The following COL22A1 variants were observed in gnomAD, a reference collection of about 807,000 sequenced individuals.
The protein encoded by COL22A1 is collagen alpha-1(XXII) chain.
In COL22A1, 221 loss-of-function variants were observed where a neutral mutation model predicts 248.9. That is an observed-to-expected ratio of 0.89 (90% CI 0.80 to 0.99). The LOEUF (loss-of-function observed/expected upper bound fraction) is 0.99, where lower values mean the gene tolerates loss of function less well. COL22A1 is among the 50% of genes least tolerant of loss of function. COL22A1 has a pLI of 0.00. For synonymous variants in COL22A1, 891 were observed against 793.4 expected (o/e 1.12, Z -2.07); for missense variants, 2,240 against 2,179.0 (o/e 1.03, Z -0.56).
chr8:138,679,804 C>A, intron 39 of COL22A1, 128 bp from the exon 40 acceptor site: 1 of 835,014 alleles, frequency 1.2e-6, no homozygotes, highest in East Asian at 2.5e-5. Flanking sequence ...AGATTAGGGT[C>A]TGGCACAGGT....
chr8:138,871,301 GA>G (rs1434840512), intron 3 of COL22A1, among the ~76,000 whole-genome samples: 1 of 152,192 alleles, frequency 6.6e-6, no homozygotes, highest in African/African-American at 2.4e-5. Flanking sequence ...CGAGCTGTGT[GA>G]ACTGGGAAAG....
chr8:138,836,252 C>G (rs780815538), intron 4 of COL22A1, among the ~76,000 whole-genome samples: 2 of 151,538 alleles, frequency 1.3e-5, no homozygotes, highest in Non-Finnish European at 2.9e-5. Flanking sequence ...GCCTGGGCGA[C>G]AGAGAGAGAC....
At chr8:138,690,193 T>C (rs551492932) in intron 36 of COL22A1, among the ~76,000 whole-genome samples, 1 of 152,324 alleles carries the variant, frequency 6.6e-6, no homozygotes, top group African/African-American at 2.4e-5. Context: ...CTAAATCTAT[T>C]GTAGGGGAAA....
intron 15 of COL22A1, among the ~76,000 whole-genome samples, chr8:138,777,230 A>T (rs986561063): frequency 5.3e-5 from 8 of 152,200 alleles, no homozygotes; most frequent in Non-Finnish European, 1.0e-4. Flanking sequence ...TTCTGGAATG[A>T]TACACACATC....
chr8:138,720,432 G>A (rs568971963), intron 27 of COL22A1, among the ~76,000 whole-genome samples: 57 of 152,076 alleles, frequency 3.7e-4, no homozygotes, highest in African/African-American at 1.4e-3. Flanking sequence ...CAAGGGGGTG[G>A]GGGCTCTTTC....
At chr8:138,836,896 C>T (rs1041180370) in intron 4 of COL22A1, among the ~76,000 whole-genome samples, 1 of 152,156 alleles carries the variant, frequency 6.6e-6, no homozygotes, top group African/African-American at 2.4e-5. Flanking sequence ...CTACTCAAAG[C>T]CATGGGGTTA....
Position 138,883,075 on chromosome 8 carries a change from G to A in COL22A1, c.91+7C>T. ...GCACAGCATGGCACAGCCCACGGTG[G>A]CCCCACCTGCCCGCTGAGCCTGGCA... On this transcript the variant is annotated splice_region_variant and intron_variant, in intron 2 of 64. Transcript: ENST00000303045. The A allele has an allele frequency of 1.9e-6, 3 of 1,572,168 alleles. No individual in the cohort carries two copies. Among genetic ancestry groups the A allele is most frequent in the Non-Finnish European group, 1.7e-6 (2 of 1,161,114 alleles).
At chr8:138,867,380 G>A (rs529398930) in intron 3 of COL22A1, among the ~76,000 whole-genome samples, 11 of 152,270 alleles carry the variant, frequency 7.2e-5, no homozygotes, top group East Asian at 3.9e-4. Flanking sequence ...ATACAGTCAC[G>A]TTACTGCCAA....
At position 138,635,083 on chromosome 8, in the gene COL22A1, A is replaced by G; in HGVS notation, c.3556-20T>C. 1 of 1,583,814 alleles carries G rather than the reference A, an allele frequency of 6.3e-7. No individual in the cohort carries two copies. The highest frequency in any genetic ancestry group is 8.6e-7 in the Non-Finnish European group (1 of 1,164,136). On this transcript the variant is annotated intron_variant, in intron 48 of 64. Transcript: ENST00000303045. Reference sequence around the variant, plus strand: ...ATGACCCTAGGAAAACACAAGATGCAATTCTTTAAAATGACTTGAAAAATA... The same window carrying G: ...ATGACCCTAGGAAAACACAAGATGCGATTCTTTAAAATGACTTGAAAAATA...
At chr8:138,623,335 A>G (rs554002152) in intron 52 of COL22A1, among the ~76,000 whole-genome samples, 47 of 150,568 alleles carry the variant, frequency 3.1e-4, no homozygotes, top group African/African-American at 1.1e-3. Context: ...TGCCACTCAG[A>G]TTTTACTAGG....
chr8:138,709,728 T>C (rs1485600067), intron 30 of COL22A1, among the ~76,000 whole-genome samples: 1 of 152,144 alleles, frequency 6.6e-6, no homozygotes, highest in South Asian at 2.1e-4. Flanking sequence ...ATGGCACATG[T>C]ACACATATCT....
chr8:138,621,019 A>G (rs1198069203), intron 52 of COL22A1, among the ~76,000 whole-genome samples: 2 of 149,216 alleles, frequency 1.3e-5, no homozygotes, highest in Non-Finnish European at 3.0e-5. Flanking sequence ...CCATCCATCC[A>G]TCCTATGTTC....
chr8:138,649,544 T>A lies in COL22A1; in HGVS notation c.3447+121A>T, dbSNP rs2130545278. On this transcript the variant is annotated intron_variant, in intron 46 of 64. Transcript: ENST00000303045. ...CTCACAACCCAGTACTCCTCATCTA[T>A]CTTGAATCTTGAACCCCTCAAACCC... 7 of 1,491,630 alleles carry A rather than the reference T, an allele frequency of 4.7e-6. No individual in the cohort carries two copies. The South Asian group carries it at 8.1e-5, about 17-fold the overall frequency. 92.4% of individuals were successfully genotyped at this position (1,491,630 alleles called of 1,614,324 possible).
chr8:138,714,512 T>C (rs753970858), intron 30 of COL22A1, among the ~76,000 whole-genome samples: 1 of 152,186 alleles, frequency 6.6e-6, no homozygotes, highest in Non-Finnish European at 1.5e-5. Context: ...GCTCCTTCTA[T>C]GGCTGCCAGC....
intron 32 of COL22A1, among the ~76,000 whole-genome samples, chr8:138,695,378 G>A (rs1222440736): frequency 6.6e-6 from 1 of 151,984 alleles, no homozygotes; most frequent in African/African-American, 2.4e-5. Context: ...CTTTCTAGTA[G>A]AGATGGGGTC....
intron 27 of COL22A1, 133 bp downstream of exon 27, chr8:138,720,606 G>C (rs1829798398): frequency 1.3e-6 from 1 of 756,138 alleles, no homozygotes; most frequent in Non-Finnish European, 2.3e-6. Context: ...CCCTTTTCAA[G>C]TATCTGATGT....
At chr8:138,880,985 G>A (rs1824156301) in intron 2 of COL22A1, among the ~76,000 whole-genome samples, 1 of 152,242 alleles carries the variant, frequency 6.6e-6, no homozygotes, top group Non-Finnish European at 1.5e-5. Context: ...CCGTGAGGCT[G>A]GAGTGTGATG....
chr8:138,652,505 G>A lies in COL22A1; in HGVS notation c.3334-2727C>T, dbSNP rs562829250. On this transcript the variant is annotated intron_variant, in intron 45 of 64. Coordinates refer to ENST00000303045, the MANE Select transcript of COL22A1 (RefSeq NM_152888.3). ...TCATCAATACTAGCTCCCAATCTCTGGGCTTTCTGAGTTATCTCAGGCAAG... is the reference window on the plus strand; with the variant it reads ...TCATCAATACTAGCTCCCAATCTCTAGGCTTTCTGAGTTATCTCAGGCAAG... Among the ~76,000 whole-genome samples, 278 of 152,096 alleles carry A rather than the reference G, an allele frequency of 1.8e-3. 1 individual carries two copies. Among genetic ancestry groups the A allele is most frequent in the African/African-American group, 6.4e-3 (265 of 41,490 alleles).
chr8:138,641,011 T>C (rs980038107), intron 47 of COL22A1, among the ~76,000 whole-genome samples: 1 of 152,200 alleles, frequency 6.6e-6, no homozygotes, highest in Non-Finnish European at 1.5e-5. Context: ...AGCTTGTAGG[T>C]CTTTCTTCTC....
Sources: gnomAD v4.1 joint callset for allele counts (sites outside exome capture counted in the v4.1 genomes callset) on GRCh38, gnomAD v4.1.1 for gene constraint, MANE v1.5 for transcripts, NCBI Gene and HGNC (gene_info 2026-07-23, HGNC 2026-07-21) for gene names.